Variants in PDE4D observed in about 807,000 individuals in gnomAD.
PDE4D encodes the protein 3',5'-cyclic-AMP phosphodiesterase 4D.
PDE4D carries 24 observed loss-of-function variants against 87.4 expected under a neutral mutation model. The observed-to-expected ratio is 0.27, with a 90% CI of 0.20 to 0.39. PDE4D has a LOEUF of 0.39. Among genes scored for constraint, PDE4D ranks in the 10% least tolerant of loss-of-function variants. The pLI is 1.00. For missense variants in PDE4D, 714 were observed against 1,041.0 expected, an observed-to-expected ratio of 0.69 and a Z score of 4.32; for synonymous variants, 384 against 383.2, an observed-to-expected ratio of 1.00 and a Z score of -0.02.
chr5:60,471,628 C>A (rs1171521446), intron 1 of PDE4D, among the ~76,000 whole-genome samples: 1 of 152,166 alleles, frequency 6.6e-6, no homozygotes, highest in African/African-American at 2.4e-5. Flanking sequence ...CAGCAGCCAT[C>A]AATGTCAAGG....
At chr5:59,986,719 G>C (rs976003328) in intron 3 of PDE4D, 8 of 152,170 alleles carry the variant, frequency 5.3e-5, no homozygotes, top group African/African-American at 1.9e-4. Flanking sequence ...TAAATGGTAA[G>C]ACTGGCTCAA....
At chr5:59,576,599 A>G (rs898969465) in intron 1 of PDE4D, among the ~76,000 whole-genome samples, 1 of 152,160 alleles carries the variant, frequency 6.6e-6, no homozygotes, top group African/African-American at 2.4e-5. Context: ...TGTGGTATAA[A>G]GTAGAAAAAA....
intron 1 of PDE4D, among the ~76,000 whole-genome samples, chr5:59,584,679 A>G (rs1824800433): frequency 6.6e-6 from 1 of 152,232 alleles, no homozygotes. Context: ...CAGGCATTCA[A>G]AGAGTACATG....
rs180704326 is a variant in PDE4D, at chr5:59,968,025, C to A, written c.272+20463G>T. 2.6e-3 allele frequency among the ~76,000 whole-genome samples: 358 copies of A among 139,528 alleles called. 2 individuals are homozygous for A. The highest frequency in any genetic ancestry group is 9.5e-3 in the African/African-American group (345 of 36,424). The allele number at this position is 139,528 out of a possible 152,430, so 91.5% of individuals were successfully genotyped here. On this transcript the variant is annotated intron_variant, in intron 3 of 16. Transcript: ENST00000502484. ...TTGAGAGTGAGTTTCACTCTTATTG[C>A]CCAGGCTGGAGTGCAATGACCCGAT...
rs1405725121 is a variant in PDE4D at position 59,808,865 on chromosome 5, A to C, written c.455+84303T>G. Among the ~76,000 whole-genome samples, 35 of 152,206 alleles carry C rather than the reference A, an allele frequency of 2.3e-4. 1 individual carries two copies. The highest frequency in any genetic ancestry group is 1.9e-3 in the East Asian group (10 of 5,174). On this transcript the variant is annotated intron_variant, in intron 1 of 14. Coordinates refer to ENST00000340635, the MANE Select transcript of PDE4D (RefSeq NM_001104631.2). ...AAGTTCTTCTGTAAAGACAACTTGC[A>C]GCCAAGGACAGCTAGCACCAACACT...
At chr5:60,452,245 C>T (rs1438727935) in intron 1 of PDE4D, among the ~76,000 whole-genome samples, 1 of 152,110 alleles carries the variant, frequency 6.6e-6, no homozygotes, top group East Asian at 1.9e-4. Flanking sequence ...GCAAAATCCA[C>T]AATTGTCTTC....
At chr5:60,448,388 G>A (rs1367351001) in intron 1 of PDE4D, among the ~76,000 whole-genome samples, 2 of 152,128 alleles carry the variant, frequency 1.3e-5, no homozygotes, top group African/African-American at 2.4e-5. Flanking sequence ...ATTTAAGGCA[G>A]GCACACAGAT....
intron 5 of PDE4D, among the ~76,000 whole-genome samples, chr5:59,109,209 T>C (rs570407285): frequency 6.6e-6 from 1 of 152,132 alleles, no homozygotes; most frequent in South Asian, 2.1e-4. Flanking sequence ...TAAAAAAAAT[T>C]CGTTAAATCC....
chr5:59,136,039 A>C (rs993356186), intron 5 of PDE4D, among the ~76,000 whole-genome samples: 7 of 131,382 alleles, frequency 5.3e-5, no homozygotes, highest in Admixed American at 2.3e-4. Context: ...AAAAAAAAAA[A>C]CCCTAAACAA....
intron 1 of PDE4D, among the ~76,000 whole-genome samples, chr5:59,707,074 T>A (rs1448782130): frequency 6.6e-6 from 1 of 152,156 alleles, no homozygotes. Context: ...AAGAATTTCT[T>A]TTATATTTCT....
At chr5:59,387,988 C>T (rs1787438240) in intron 1 of PDE4D, among the ~76,000 whole-genome samples, 1 of 152,018 alleles carries the variant, frequency 6.6e-6, no homozygotes, top group Non-Finnish European at 1.5e-5. Context: ...CCATTTTATT[C>T]TGTTTCTATG....
chr5:59,893,956 T>C (rs1751360016), upstream of PDE4D, among the ~76,000 whole-genome samples: 1 of 151,468 alleles, frequency 6.6e-6, no homozygotes, highest in African/African-American at 2.4e-5. Flanking sequence ...TTCCCTTCCT[T>C]TGGGCGCCGG....
intron 3 of PDE4D, among the ~76,000 whole-genome samples, chr5:59,918,750 C>T (rs750154042): frequency 7.2e-5 from 11 of 152,142 alleles, no homozygotes; most frequent in Admixed American, 4.6e-4. Flanking sequence ...GTCAGTCTTG[C>T]GGCTGCAAGG....
intron 3 of PDE4D, among the ~76,000 whole-genome samples, chr5:59,922,087 G>A (rs1169328477): frequency 6.6e-6 from 1 of 152,134 alleles, no homozygotes; most frequent in African/African-American, 2.4e-5. Flanking sequence ...GGAACTCAGT[G>A]CTGCCCTGTC....
At chr5:60,496,290 T>A (rs2150241068) in intron 1 of PDE4D, among the ~76,000 whole-genome samples, 1 of 152,282 alleles carries the variant, frequency 6.6e-6, no homozygotes, top group Middle Eastern at 3.4e-3. Flanking sequence ...AAACTGTAGA[T>A]CTATCCAAAA....
At chr5:60,374,131 T>C (rs1351606272) in intron 1 of PDE4D, among the ~76,000 whole-genome samples, 2 of 152,172 alleles carry the variant, frequency 1.3e-5, no homozygotes, top group Non-Finnish European at 2.9e-5. Context: ...GAGCCAGGAT[T>C]GCTGATTTAT....
At chr5:59,612,039 C>T (rs1370032949) in intron 1 of PDE4D, among the ~76,000 whole-genome samples, 3 of 152,176 alleles carry the variant, frequency 2.0e-5, no homozygotes, top group African/African-American at 7.2e-5. Context: ...CTGAACAGCA[C>T]AATGTCTCAT....
At chr5:60,460,355 C>T (rs925348548) in intron 1 of PDE4D, 1 of 996,112 alleles carries the variant, frequency 1.0e-6, no homozygotes, top group Non-Finnish European at 1.6e-6. Flanking sequence ...GATTTAATAT[C>T]TTCAAATTCT....
At chr5:59,557,874 A>G (rs1461920126) in intron 1 of PDE4D, among the ~76,000 whole-genome samples, 1 of 152,218 alleles carries the variant, frequency 6.6e-6, no homozygotes, top group Admixed American at 6.5e-5. Context: ...ATGAGAACCT[A>G]TGGAAGGAAA....
Sources: allele counts gnomAD v4.1 joint callset (sites outside exome capture counted in the v4.1 genomes callset), GRCh38; gene constraint gnomAD v4.1.1; transcripts MANE v1.5; gene names NCBI Gene and HGNC (gene_info 2026-07-23, HGNC 2026-07-21).